Variants in MGA observed in about 807,000 individuals in gnomAD.
The protein encoded by MGA is MAX gene-associated protein.
MGA carries 40 observed loss-of-function variants against 261.1 expected under a neutral mutation model. The observed-to-expected ratio is 0.15, with a 90% confidence interval of 0.12 to 0.20. The LOEUF (loss-of-function observed/expected upper bound fraction) is 0.20, where lower values mean the gene tolerates loss of function less well. MGA is among the 10% of genes least tolerant of loss of function. The pLI is 1.00. For missense variants in MGA, 3,397 were observed against 3,630.5 expected, an observed-to-expected ratio of 0.94 and a Z score of 1.65; for synonymous variants, 1,302 against 1,290.6, an observed-to-expected ratio of 1.01 and a Z score of -0.19.
chr15:41,692,319 T>C (rs942959816), intron 2 of MGA, among the ~76,000 whole-genome samples: 6 of 152,228 alleles, frequency 3.9e-5, no homozygotes, highest in African/African-American at 1.2e-4. Flanking sequence ...CTGTTTGTTC[T>C]GCAGAAGTCC....
At chr15:41,754,343 C>T in intron 17 of MGA, 94 bp from the exon 18 acceptor site, 1 of 1,125,298 alleles carries the variant, frequency 8.9e-7, no homozygotes, top group Non-Finnish European at 1.2e-6. Context: ...GAATGTCTGG[C>T]ATTAGTTGGT....
chr15:41,766,939 G>T lies in MGA; in HGVS notation c.8857G>T (p.Gly2953Cys). 1 of 1,613,982 alleles carries T rather than the reference G, an allele frequency of 6.2e-7. No individual in the cohort carries two copies. Among genetic ancestry groups the T allele is most frequent in the African/African-American group, 1.3e-5 (1 of 75,036 alleles). The change falls in exon 24 of 24, where the codon GGC becomes TGC. Residue 2953 changes from glycine (G) to cysteine (C), a missense_variant. This residue lies in a region of MGA where 647 missense variants were observed against 642.4 expected (regional missense o/e 1.01). Transcript: ENST00000219905. ...TATTGATGGAGGGAAGAATACTTCTGGCCTCCCTGCAGAGCCCGAAAGTGT... is the reference window on the plus strand; with the variant it reads ...TATTGATGGAGGGAAGAATACTTCTTGCCTCCCTGCAGAGCCCGAAAGTGT...
chr15:41,677,035 TTG>T (rs2058421843), intron 2 of MGA, among the ~76,000 whole-genome samples: 1 of 152,234 alleles, frequency 6.6e-6, no homozygotes, highest in Non-Finnish European at 1.5e-5. Flanking sequence ...TGGCTTTCCA[TTG>T]CACTTAAAGG....
At chr15:41,660,019 C>T (rs1277953399), upstream of MGA, among the ~76,000 whole-genome samples, 1 of 152,158 alleles carries the variant, frequency 6.6e-6, no homozygotes, top group Non-Finnish European at 1.5e-5. Flanking sequence ...TGCGGAGCCC[C>T]GTGTGGGTGG....
rs1392161808 is a variant in MGA, at chr15:41,729,328, T to C, written c.3822T>C (p.Pro1274=). The C allele has an allele frequency of 1.2e-6, 2 of 1,612,630 alleles. No individual in the cohort carries two copies. The highest frequency in any genetic ancestry group is 1.7e-6 in the Non-Finnish European group (2 of 1,179,534). ...AGCAAACTTCATGTCATTCTAGCCC[T>C]GAGAACCATAATAATGCAAAGGTGA... Residue 1274 remains proline (P), a synonymous_variant, in exon 11 of 24, where the codon CCT becomes CCC. Transcript: ENST00000219905.
chr15:41,734,590 A>G lies in MGA; in HGVS notation c.3912A>G (p.Leu1304=). Reference sequence around the variant, plus strand: ...ACTTGGAGGATGATTCTGATAAATTACAAGGTCAGAATGAAAACTAGATCT... The same window carrying G: ...ACTTGGAGGATGATTCTGATAAATTGCAAGGTCAGAATGAAAACTAGATCT... Residue 1304 remains leucine (L), a synonymous_variant, in exon 12 of 24, where the codon TTA becomes TTG. Coordinates refer to ENST00000219905, the MANE Select transcript of MGA (RefSeq NM_001164273.2). The G allele has an allele frequency of 6.3e-7, 1 of 1,592,184 alleles. No individual in the cohort carries two copies. Among genetic ancestry groups the G allele is most frequent in the Non-Finnish European group, 8.6e-7 (1 of 1,165,262 alleles).
chr15:41,631,755 G>GA lies in MGA; in HGVS notation c.-68+10465dup, dbSNP rs533419732. 2.6e-5 allele frequency among the ~76,000 whole-genome samples: 4 copies of GA among 151,278 alleles called. 1 individual carries two copies. Among genetic ancestry groups the GA allele is most frequent in the African/African-American group, 9.7e-5 (4 of 41,334 alleles). On this transcript the variant is annotated intron_variant, in intron 1 of 8. Coordinates refer to the MGA transcript ENST00000566718. Reference sequence around the variant, plus strand: ...TTCATTAAAGGCAACCAACTGAACAGAAAAAAAAGTATGTATTTTCATATT... The same window carrying GA: ...TTCATTAAAGGCAACCAACTGAACAGAAAAAAAAAGTATGTATTTTCATATT...
At chr15:41,739,263 T>TAG (rs2061960230) in intron 13 of MGA, among the ~76,000 whole-genome samples, 1 of 152,206 alleles carries the variant, frequency 6.6e-6, no homozygotes, top group Non-Finnish European at 1.5e-5. Flanking sequence ...ACTATTTAGT[T>TAG]AATTATGTCT....
chr15:41,628,938 G>C (rs903509000), intron 1 of MGA, among the ~76,000 whole-genome samples: 4 of 152,056 alleles, frequency 2.6e-5, no homozygotes, highest in Non-Finnish European at 5.9e-5. Flanking sequence ...AGGAGATCGA[G>C]ACCATCCTGG....
At chr15:41,667,546 C>T (rs779098697) in intron 1 of MGA, among the ~76,000 whole-genome samples, 19 of 151,994 alleles carry the variant, frequency 1.3e-4, no homozygotes, top group East Asian at 1.9e-4. Context: ...GCTCCCCCGC[C>T]GCTATTATTT....
Position 41,696,106 on chromosome 15 carries a change from C to T in MGA, c.1096C>T (p.Arg366Cys), listed in dbSNP as rs563448726. 27 of 1,613,218 alleles carry T rather than the reference C, an allele frequency of 1.7e-5. No homozygotes were observed. Among genetic ancestry groups the T allele is most frequent in the South Asian group, 9.9e-5 (9 of 91,006 alleles). ...TGCCAGCAGTTTTGAAGATGACTCC[C>T]GTGTAGCCTCACCGTTAGACCAGAA... is the stretch of plus-strand genomic sequence containing the variant. Residue 366 changes from arginine to cysteine, a missense_variant, in exon 3 of 24, where the codon CGT (arginine) becomes TGT (cysteine). Arg to Cys is a radical substitution (Grantham distance 180, BLOSUM62 -3). Around this residue, in one of 9 missense-constraint regions of MGA, gnomAD observed 563 missense variants for 563.6 expected, o/e 1.00. Transcript: ENST00000219905.
intron 2 of MGA, among the ~76,000 whole-genome samples, chr15:41,687,183 T>C (rs1761255034): frequency 6.6e-6 from 1 of 152,164 alleles, no homozygotes; most frequent in Non-Finnish European, 1.5e-5. Context: ...TACTTGTTTT[T>C]GGTTTAATTT....
intron 22 of MGA, among the ~76,000 whole-genome samples, chr15:41,763,771 A>C (rs2152027507): frequency 6.6e-6 from 1 of 151,972 alleles, no homozygotes; most frequent in Non-Finnish European, 1.5e-5. Context: ...ACAAAACAAA[A>C]ACCCCAAAGT....
chr15:41,646,780 A>G (rs911743375), intron 1 of MGA, among the ~76,000 whole-genome samples: 3 of 152,004 alleles, frequency 2.0e-5, no homozygotes, highest in African/African-American at 4.8e-5. Flanking sequence ...TAATTGAGAT[A>G]TCACCCCACT....
chr15:41,676,892 A>G (rs1416232700), intron 2 of MGA, among the ~76,000 whole-genome samples: 1 of 152,196 alleles, frequency 6.6e-6, no homozygotes, highest in Non-Finnish European at 1.5e-5. Flanking sequence ...CCAAAATACC[A>G]TCCCCACTGC....
chr15:41,731,015 A>G (rs529124124), intron 11 of MGA, among the ~76,000 whole-genome samples: 1 of 152,354 alleles, frequency 6.6e-6, no homozygotes, highest in African/African-American at 2.4e-5. Flanking sequence ...AAAACAAAGG[A>G]CATCCAACCA....
rs2062741140 is a variant in MGA, at chr15:41,749,921, A to G, written c.6314A>G (p.Gln2105Arg). ...ACAGTCCAAAATTTAAGTAAAGTAC[A>G]GCATCAAAAACTTGGTGATGTGAAG... The change falls in exon 17 of 24, where the codon CAG (glutamine) becomes CGG (arginine). Residue 2105 changes from glutamine (Q) to arginine (R), a missense_variant. Physicochemically the swap from Gln to Arg is conservative, Grantham distance 43 (BLOSUM62 1). This residue lies in a region of MGA where 1,410 missense variants were observed against 1,386.4 expected (regional missense o/e 1.02). Coordinates refer to ENST00000219905, the MANE Select transcript of MGA (RefSeq NM_001164273.2). 6.2e-7 allele frequency: 1 copy of G among 1,613,982 alleles called. No individual in the cohort carries two copies. The highest frequency in any genetic ancestry group is 8.5e-7 in the Non-Finnish European group (1 of 1,179,880).
At chr15:41,731,892 T>C (rs1320104063) in intron 11 of MGA, among the ~76,000 whole-genome samples, 5 of 152,210 alleles carry the variant, frequency 3.3e-5, no homozygotes, top group Admixed American at 3.3e-4. Context: ...TGGGCAATTA[T>C]ACATTCTCCC....
In MGA at chr15:41,696,074, G is replaced by C; in HGVS notation, c.1065-1G>C. On this transcript the variant is annotated splice_acceptor_variant, in intron 2 of 23. Coordinates refer to ENST00000219905, the MANE Select transcript of MGA (RefSeq NM_001164273.2). LOFTEE classifies it high-confidence loss of function. Reference sequence around the variant, plus strand: ...AATCCCTTTCTCCTCTCTCTCTCCAGTCTTATTGCCAGCAGTTTTGAAGAT... The same window carrying C: ...AATCCCTTTCTCCTCTCTCTCTCCACTCTTATTGCCAGCAGTTTTGAAGAT... The C allele has an allele frequency of 6.3e-7, 1 of 1,599,272 alleles. No homozygotes were observed. Among genetic ancestry groups the C allele is most frequent in the Non-Finnish European group, 8.5e-7 (1 of 1,171,500 alleles).
Sources: gnomAD v4.1 joint callset for allele counts (sites outside exome capture counted in the v4.1 genomes callset) on GRCh38, gnomAD v4.1.1 for gene constraint, gnomAD v4.1.1 regional missense constraint, MANE v1.5 for transcripts, NCBI Gene and HGNC (gene_info 2026-07-23, HGNC 2026-07-21) for gene names.